KLF13: variants seen among roughly 807,000 people sequenced by gnomAD.
KLF13 encodes Krueppel-like factor 13.
In KLF13, 8 loss-of-function variants were observed where a neutral mutation model predicts 16.7. The observed-to-expected ratio is 0.48, with a 90% CI of 0.28 to 0.87. The LOEUF (loss-of-function observed/expected upper bound fraction) is 0.87. Among genes scored for constraint, KLF13 ranks in the 40% least tolerant of loss-of-function variants. KLF13 has a pLI of 0.10. For missense variants in KLF13, 447 were observed against 452.2 expected, an observed-to-expected ratio of 0.99 and a Z score of 0.10; for synonymous variants, 245 against 208.4, an observed-to-expected ratio of 1.18 and a Z score of -1.51.
At chr15:31,384,535 A>G (rs1181812176) in intron 1 of KLF13, among the ~76,000 whole-genome samples, 1 of 152,192 alleles carries the variant, frequency 6.6e-6, no homozygotes, top group Non-Finnish European at 1.5e-5. Flanking sequence ...TGCTCTCTAA[A>G]TTCTCAAAAC....
chr15:31,403,007 G>A (rs1371987645), intron 2 of KLF13, among the ~76,000 whole-genome samples: 1 of 152,212 alleles, frequency 6.6e-6, no homozygotes, highest in Non-Finnish European at 1.5e-5. Flanking sequence ...GGCCCAGCAG[G>A]AAAAATGGAT....
At chr15:31,410,908 AAAATGCTTC>A (rs1249679048) in intron 1 of KLF13, among the ~76,000 whole-genome samples, 11 of 152,250 alleles carry the variant, frequency 7.2e-5, no homozygotes, top group Non-Finnish European at 1.5e-4. Context: ...AGATAATGTG[AAAATGCTTC>A]AAATAAGCAG....
intron 1 of KLF13, among the ~76,000 whole-genome samples, chr15:31,334,257 G>C (rs1397385011): frequency 6.6e-6 from 1 of 152,190 alleles, no homozygotes; most frequent in Non-Finnish European, 1.5e-5. Flanking sequence ...TGTGTTCTTG[G>C]TCAGCCCACC....
chr15:31,429,596 T>C (rs141176192), intron 1 of KLF13, among the ~76,000 whole-genome samples: 246 of 152,260 alleles, frequency 1.6e-3, no homozygotes, highest in African/African-American at 5.7e-3. Context: ...ATGTTATGTA[T>C]ATTTTACCAG....
chr15:31,413,206 A>AAAAAAAC (rs1566843740), intron 1 of KLF13, among the ~76,000 whole-genome samples: 3 of 145,448 alleles, frequency 2.1e-5, no homozygotes, highest in East Asian at 2.1e-4. Flanking sequence ...AAAAAAACAA[A>AAAAAAAC]AAACAAAAAA....
At chr15:31,420,889 C>T (rs907374669) in intron 1 of KLF13, among the ~76,000 whole-genome samples, 3 of 152,102 alleles carry the variant, frequency 2.0e-5, no homozygotes, top group Non-Finnish European at 4.4e-5. Context: ...GACAAGGTTT[C>T]ACCATGTTGG....
intron 1 of KLF13, among the ~76,000 whole-genome samples, chr15:31,363,372 G>A (rs184374985): frequency 7.2e-5 from 11 of 152,340 alleles, no homozygotes; most frequent in Admixed American, 1.3e-4. Context: ...GAGATTAGCC[G>A]TTTGTGATAG....
intron 1 of KLF13, among the ~76,000 whole-genome samples, chr15:31,328,505 C>A (rs1230045931): frequency 6.6e-6 from 1 of 151,992 alleles, no homozygotes; most frequent in East Asian, 1.9e-4. Flanking sequence ...CTAGGCTCCT[C>A]GGCCTCGAGG....
At chr15:31,420,606 C>T (rs1180469901) in intron 1 of KLF13, 2 of 427,792 alleles carry the variant, frequency 4.7e-6, no homozygotes, top group Non-Finnish European at 8.8e-6. Context: ...AAAAACCCTA[C>T]AGCTTTTACC....
At chr15:31,390,739 T>C (rs918847426), upstream of KLF13, among the ~76,000 whole-genome samples, 1 of 152,190 alleles carries the variant, frequency 6.6e-6, no homozygotes, top group African/African-American at 2.4e-5. Context: ...TTCTTTTCTT[T>C]TGGAATTCCT....
chr15:31,389,795 A>G (rs1008341702), upstream of KLF13, among the ~76,000 whole-genome samples: 2 of 152,138 alleles, frequency 1.3e-5, no homozygotes, highest in Non-Finnish European at 2.9e-5. Context: ...TGGGCATGTC[A>G]CTGTTACATG....
intron 2 of KLF13, among the ~76,000 whole-genome samples, chr15:31,399,543 CAG>C (rs927229032): frequency 6.6e-6 from 1 of 151,992 alleles, no homozygotes; most frequent in Non-Finnish European, 1.5e-5. Flanking sequence ...CCTGCCCACA[CAG>C]GGGATTCCTT....
At chr15:31,346,685 C>T (rs2039126811) in intron 1 of KLF13, among the ~76,000 whole-genome samples, 1 of 152,240 alleles carries the variant, frequency 6.6e-6, no homozygotes, top group Admixed American at 6.5e-5. Flanking sequence ...CTTTTAAAGG[C>T]ATCACCTTCA....
rs1161762538 is a variant in KLF13 at position 31,413,187 on chromosome 15, C to CAAAAAAA, written n.117+19505_117+19511dup. 1.0e-3 allele frequency among the ~76,000 whole-genome samples: 65 copies of CAAAAAAA among 63,092 alleles called. 2 individuals are homozygous for CAAAAAAA. Among genetic ancestry groups the CAAAAAAA allele is most frequent in the South Asian group, 2.0e-3 (3 of 1,474 alleles). 41.4% of individuals were successfully genotyped at this position (63,092 alleles called of 152,430 possible). Reference sequence around the variant, plus strand: ...GAAGAACAGAGAGAAAATGAATAGACAAAAAAAAAAAAAAACAAAAAACAA... The same window carrying CAAAAAAA: ...GAAGAACAGAGAGAAAATGAATAGACAAAAAAAAAAAAAAAAAAAAAACAAAAAACAA... On this transcript the variant is annotated intron_variant and non_coding_transcript_variant, in intron 1 of 1. Coordinates refer to the KLF13 transcript ENST00000558225.
upstream of KLF13, among the ~76,000 whole-genome samples, chr15:31,391,933 G>A (rs373413508): frequency 6.6e-6 from 1 of 152,252 alleles, no homozygotes; most frequent in Middle Eastern, 3.4e-3. Flanking sequence ...ATTCCTGCGC[G>A]GACTGCCGCG....
At chr15:31,367,576 C>T (rs1017295462) in intron 1 of KLF13, among the ~76,000 whole-genome samples, 1 of 152,200 alleles carries the variant, frequency 6.6e-6, no homozygotes, top group Non-Finnish European at 1.5e-5. Flanking sequence ...GCTTCCCCAG[C>T]CTGCAGGCAG....
intron 2 of KLF13, among the ~76,000 whole-genome samples, chr15:31,397,431 G>A (rs2039969097): frequency 1.3e-5 from 2 of 152,230 alleles, no homozygotes; most frequent in Non-Finnish European, 2.9e-5. Flanking sequence ...CCTCCTCAGT[G>A]ACGCGCACTT....
At chr15:31,342,908 C>T (rs1330141191) in intron 1 of KLF13, among the ~76,000 whole-genome samples, 6 of 152,154 alleles carry the variant, frequency 3.9e-5, no homozygotes. Flanking sequence ...CGGAGGTGAA[C>T]ATTTGGAGTG....
At chr15:31,412,614 G>A (rs1402672944) in intron 1 of KLF13, among the ~76,000 whole-genome samples, 4 of 152,174 alleles carry the variant, frequency 2.6e-5, no homozygotes, top group South Asian at 4.1e-4. Context: ...ACTTTAAAAA[G>A]CAAAGAGGAG....
Sources: allele counts gnomAD v4.1 joint callset (sites outside exome capture counted in the v4.1 genomes callset), GRCh38; gene constraint gnomAD v4.1.1; transcripts MANE v1.5; gene names NCBI Gene and HGNC (gene_info 2026-07-23, HGNC 2026-07-21).